IQSEC1: variants seen among roughly 807,000 people sequenced by gnomAD.
The protein encoded by IQSEC1 is IQ motif and SEC7 domain-containing protein 1.
IQSEC1 carries 31 observed loss-of-function variants against 91.0 expected under a neutral mutation model. The observed-to-expected ratio is 0.34, with a 90% CI of 0.26 to 0.46. IQSEC1 has a LOEUF of 0.46. Among genes scored for constraint, IQSEC1 ranks in the 20% least tolerant of loss-of-function variants. The probability of loss-of-function intolerance (pLI) is 1.00; values close to 1 mark genes in which losing one functional copy is unlikely to be tolerated. For missense variants in IQSEC1, 1,388 were observed against 1,575.6 expected (o/e 0.88, Z 2.02); for synonymous variants, 699 against 662.6 (o/e 1.05, Z -0.84).
intron 1 of IQSEC1, among the ~76,000 whole-genome samples, chr3:13,185,240 C>T (rs1490752804): frequency 6.6e-6 from 1 of 152,162 alleles, no homozygotes; most frequent in Non-Finnish European, 1.5e-5. Context: ...GAGTTGTCAC[C>T]TCGTTCTTCC....
chr3:13,269,720 T>G (rs1446981139), intron 1 of IQSEC1, among the ~76,000 whole-genome samples: 1 of 152,204 alleles, frequency 6.6e-6, no homozygotes, highest in African/African-American at 2.4e-5. Flanking sequence ...GGCCCACCTG[T>G]GGGCAGGCCA....
chr3:13,272,661 C>T (rs977009315), intron 1 of IQSEC1, among the ~76,000 whole-genome samples: 4 of 152,180 alleles, frequency 2.6e-5, no homozygotes, highest in African/African-American at 4.8e-5. Context: ...CCGGCAACTG[C>T]TGAGCTGGGT....
At chr3:12,960,795 C>T (rs909163246) in intron 1 of IQSEC1, among the ~76,000 whole-genome samples, 4 of 152,204 alleles carry the variant, frequency 2.6e-5, no homozygotes, top group African/African-American at 9.7e-5. Flanking sequence ...ACTTAAGACC[C>T]ACCAAAAACA....
intron 1 of IQSEC1, among the ~76,000 whole-genome samples, chr3:13,020,572 C>A (rs1309408887): frequency 1.3e-5 from 2 of 152,248 alleles, no homozygotes; most frequent in Non-Finnish European, 2.9e-5. Context: ...TTTACCCCAA[C>A]AGAAGAACCT....
At chr3:13,154,246 T>C (rs1707045066) in intron 2 of IQSEC1, among the ~76,000 whole-genome samples, 1 of 150,528 alleles carries the variant, frequency 6.6e-6, no homozygotes. Flanking sequence ...CCATCATTAG[T>C]GGGCAGGGTC....
At chr3:13,079,268 G>A (rs748941105) in intron 2 of IQSEC1, among the ~76,000 whole-genome samples, 5 of 152,306 alleles carry the variant, frequency 3.3e-5, no homozygotes, top group African/African-American at 9.6e-5. Context: ...TAAACCTCAC[G>A]CTCCATCTGC....
intron 1 of IQSEC1, among the ~76,000 whole-genome samples, chr3:13,165,370 C>A (rs1296920195): frequency 6.6e-6 from 1 of 152,086 alleles, no homozygotes; most frequent in African/African-American, 2.4e-5. Flanking sequence ...GCAGACCAGC[C>A]CCTGGTGGCT....
chr3:13,020,511 T>C (rs1339145181), intron 1 of IQSEC1, among the ~76,000 whole-genome samples: 1 of 152,228 alleles, frequency 6.6e-6, no homozygotes, highest in African/African-American at 2.4e-5. Context: ...GAGAGTAAAC[T>C]GTGTGGCTGG....
At chr3:13,053,753 C>T (rs1704779307) in intron 1 of IQSEC1, among the ~76,000 whole-genome samples, 1 of 152,202 alleles carries the variant, frequency 6.6e-6, no homozygotes, top group African/African-American at 2.4e-5. Flanking sequence ...AGTAATTTGC[C>T]TCAGTTTCCA....
intron 13 of IQSEC1, among the ~76,000 whole-genome samples, chr3:12,902,392 G>C (rs1233593133): frequency 6.6e-6 from 1 of 151,576 alleles, no homozygotes; most frequent in Non-Finnish European, 1.5e-5. Context: ...AGGGTGAGTG[G>C]GAGCCGGGTG....
chr3:13,235,199 G>C (rs909291709), intron 1 of IQSEC1, among the ~76,000 whole-genome samples: 1 of 152,214 alleles, frequency 6.6e-6, no homozygotes, highest in African/African-American at 2.4e-5. Context: ...GTCTCACAGA[G>C]AGGGGGCCTG....
chr3:13,236,131 C>T (rs73813516), intron 1 of IQSEC1, among the ~76,000 whole-genome samples: 19 of 152,226 alleles, frequency 1.2e-4, no homozygotes, highest in African/African-American at 4.6e-4. Flanking sequence ...CCTTTGTTCC[C>T]GCTGCACAGA....
At chr3:13,059,833 G>C (rs1342771325) in intron 1 of IQSEC1, among the ~76,000 whole-genome samples, 2 of 151,978 alleles carry the variant, frequency 1.3e-5, no homozygotes, top group African/African-American at 4.8e-5. Context: ...TGGGTCTCTG[G>C]TCACTCTGTT....
In IQSEC1 at chr3:13,073,109, G is replaced by A. The variant is rs1705490319; in HGVS notation, c.-95C>T. 6.3e-6 allele frequency: 9 copies of A among 1,437,224 alleles called. No individual in the cohort carries two copies. In the South Asian group the frequency reaches 1.1e-4, roughly 18 times the overall value. 89.0% of individuals were successfully genotyped at this position (1,437,224 alleles called of 1,614,324 possible). ...GAGCAGGCGGCTCAGGCAAGAAGTG[G>A]AGGGGAATAAAATTAAATCGCGGGG... On this transcript the variant is annotated 5_prime_UTR_variant, in exon 1 of 14. Coordinates refer to ENST00000613206, the MANE Select transcript of IQSEC1 (RefSeq NM_001134382.3).
rs114210926 is a variant in IQSEC1, at chr3:13,195,563, C to G, written c.273-31430G>C. Among the ~76,000 whole-genome samples, 515 of 152,282 alleles carry G rather than the reference C, an allele frequency of 3.4e-3. 7 individuals are homozygous for G. Among genetic ancestry groups the G allele is most frequent in the African/African-American group, 0.012 (499 of 41,548 alleles). ...TCAAAAAGAATGAATTATGGATACA[C>G]ACGACAGCTTGGACAGAAGCCAAGG... On this transcript the variant is annotated intron_variant, in intron 1 of 15. Transcript: ENST00000648114.
intron 1 of IQSEC1, among the ~76,000 whole-genome samples, chr3:13,237,550 C>A (rs73813518): frequency 0.077 from 11,725 of 152,248 alleles, 545 homozygotes; most frequent in African/African-American, 0.12. Flanking sequence ...CCGGTTCCCC[C>A]ACAGACACAG....
intron 1 of IQSEC1, among the ~76,000 whole-genome samples, chr3:13,258,751 T>C (rs1695332994): frequency 6.6e-6 from 1 of 152,176 alleles, no homozygotes; most frequent in South Asian, 2.1e-4. Context: ...GATAATGGAA[T>C]GCAGCCAGTG....
intron 1 of IQSEC1, among the ~76,000 whole-genome samples, chr3:12,990,930 G>T (rs1701958663): frequency 6.6e-6 from 1 of 152,154 alleles, no homozygotes; most frequent in African/African-American, 2.4e-5. Flanking sequence ...ATGCTCGCTG[G>T]GTTTGCACTG....
At chr3:13,017,661 C>A (rs1481036536) in intron 1 of IQSEC1, among the ~76,000 whole-genome samples, 2 of 152,170 alleles carry the variant, frequency 1.3e-5, no homozygotes, top group African/African-American at 4.8e-5. Flanking sequence ...GTGTCAGGCA[C>A]AGAGTAGGTC....
Sources: allele counts gnomAD v4.1 joint callset (sites outside exome capture counted in the v4.1 genomes callset), GRCh38; gene constraint gnomAD v4.1.1; transcripts MANE v1.5; gene names NCBI Gene and HGNC (gene_info 2026-07-23, HGNC 2026-07-21).